Variants in PRTG observed in about 807,000 individuals in gnomAD.
PRTG encodes immunoglobulin superfamily, DCC subclass, member 5.
In PRTG, 67 loss-of-function variants were observed where a neutral mutation model predicts 122.5. The observed-to-expected ratio is 0.55, with a 90% CI of 0.45 to 0.67. The LOEUF (loss-of-function observed/expected upper bound fraction) is 0.67, where lower values mean the gene tolerates loss of function less well. PRTG is among the 30% of genes least tolerant of loss of function. The pLI, the probability that PRTG is intolerant of heterozygous loss-of-function variation, is 0.00. For missense variants in PRTG, 1,435 were observed against 1,415.4 expected, an observed-to-expected ratio of 1.01 and a Z score of -0.22; for synonymous variants, 554 against 501.1, an observed-to-expected ratio of 1.11 and a Z score of -1.41.
intron 14 of PRTG, among the ~76,000 whole-genome samples, chr15:55,637,738 G>A (rs1012193081): frequency 1.4e-4 from 21 of 152,036 alleles, no homozygotes; most frequent in Non-Finnish European, 5.9e-5. Context: ...TAGGAGGCCA[G>A]TGAAGAAAAT....
intron 11 of PRTG, among the ~76,000 whole-genome samples, chr15:55,669,881 T>G (rs1177374363): frequency 2.0e-5 from 3 of 152,222 alleles, no homozygotes; most frequent in Non-Finnish European, 2.9e-5. Flanking sequence ...TGCAGCTATT[T>G]TAATAGACAT....
chr15:55,685,849 T>C (rs1334869252), intron 2 of PRTG, among the ~76,000 whole-genome samples: 1 of 152,196 alleles, frequency 6.6e-6, no homozygotes, highest in East Asian at 1.9e-4. Context: ...TAAAAATCGA[T>C]ATCATGAATC....
At chr15:55,738,588 A>T (rs2031509159) in intron 2 of PRTG, 1 of 693,346 alleles carries the variant, frequency 1.4e-6, no homozygotes, top group Non-Finnish European at 2.6e-6. Context: ...ACTCTATAGA[A>T]CAAGTTTACA....
At chr15:55,740,187 T>C (rs1186775887) in intron 2 of PRTG, among the ~76,000 whole-genome samples, 195 bp downstream of exon 2, 1 of 152,256 alleles carries the variant, frequency 6.6e-6, no homozygotes. Context: ...ATTTGACTTC[T>C]GTTCTCAATT....
intron 2 of PRTG, among the ~76,000 whole-genome samples, chr15:55,731,093 G>A (rs543101192): frequency 6.7e-6 from 1 of 149,310 alleles, no homozygotes; most frequent in East Asian, 2.0e-4. Context: ...AACATTGGGA[G>A]ATCAGTGGAA....
At chr15:55,668,878 A>G (rs967290325) in intron 11 of PRTG, among the ~76,000 whole-genome samples, 3 of 152,222 alleles carry the variant, frequency 2.0e-5, no homozygotes, top group African/African-American at 4.8e-5. Context: ...AATAACTTTC[A>G]TTACTAAGTA....
At chr15:55,634,669 C>A (rs2059246382) in intron 15 of PRTG, among the ~76,000 whole-genome samples, 1 of 151,700 alleles carries the variant, frequency 6.6e-6, no homozygotes, top group African/African-American at 2.4e-5. Context: ...AGTGAAACAC[C>A]CGTCTCTACT....
chr15:55,739,978 C>T (rs1179894443), intron 2 of PRTG, among the ~76,000 whole-genome samples: 1 of 152,232 alleles, frequency 6.6e-6, no homozygotes, highest in Non-Finnish European at 1.5e-5. Flanking sequence ...AGATTTAGCA[C>T]TCAAGAACCA....
intron 2 of PRTG, among the ~76,000 whole-genome samples, chr15:55,699,784 G>A (rs1403320497): frequency 6.6e-6 from 1 of 152,128 alleles, no homozygotes; most frequent in Non-Finnish European, 1.5e-5. Context: ...CTAGAGCAGA[G>A]AACCCTTCAT....
intron 11 of PRTG, among the ~76,000 whole-genome samples, chr15:55,644,756 C>A (rs1352182363): frequency 6.6e-6 from 1 of 151,832 alleles, no homozygotes; most frequent in Non-Finnish European, 1.5e-5. Context: ...CCTTTCTATC[C>A]AAATAGAAAA....
intron 3 of PRTG, 93 bp downstream of exon 3, chr15:55,683,694 A>T: frequency 9.9e-7 from 1 of 1,012,314 alleles, no homozygotes; most frequent in Non-Finnish European, 1.4e-6. Flanking sequence ...CCTAAATAAA[A>T]ATGAGGCCTA....
intron 18 of PRTG, among the ~76,000 whole-genome samples, chr15:55,622,036 T>A (rs1446246161): frequency 2.0e-5 from 3 of 152,094 alleles, no homozygotes; most frequent in African/African-American, 7.2e-5. Flanking sequence ...CCAAGGGAAT[T>A]AAGAGAGATA....
At chr15:55,684,381 T>C (rs2141819532) in intron 2 of PRTG, among the ~76,000 whole-genome samples, 1 of 152,252 alleles carries the variant, frequency 6.6e-6, no homozygotes, top group East Asian at 1.9e-4. Flanking sequence ...GGGGTGGTGG[T>C]GGTGGGAAAG....
chr15:55,738,031 C>T (rs71399484), intron 2 of PRTG, among the ~76,000 whole-genome samples: 2 of 125,798 alleles, frequency 1.6e-5, no homozygotes, highest in Admixed American at 8.5e-5. Flanking sequence ...TATATACACA[C>T]ACACACACAC....
intron 8 of PRTG, 147 bp downstream of exon 8, chr15:55,677,650 C>A (rs938644639): frequency 2.1e-5 from 14 of 666,102 alleles, no homozygotes; most frequent in Non-Finnish European, 3.5e-5. Context: ...ACAATAGATA[C>A]ATAGGTGATA....
In PRTG at chr15:55,645,534, CAT is replaced by C. The variant is rs533941709; in HGVS notation, c.2042-4328_2042-4327del. Among the ~76,000 whole-genome samples, 18 of 143,710 alleles carry C rather than the reference CAT, an allele frequency of 1.3e-4. No individual in the cohort carries two copies. In the East Asian group the frequency reaches 3.9e-3, roughly 31 times the overall value. The allele number at this position is 143,710 out of a possible 152,430, so 94.3% of individuals were successfully genotyped here. The stretch of plus-strand genomic sequence containing the variant: ...AAGAGTGATCAGCTAAAAAAGAAAA[CAT>C]AGAACAGCTACAGAATTAACAGAAC... On this transcript the variant is annotated intron_variant, in intron 11 of 19. Transcript: ENST00000389286.
rs1179209406 is a variant in PRTG, at chr15:55,618,364, A to G, written c.*1648T>C. Reference sequence around the variant, plus strand: ...CCTCCTCTAGGAACAAAGCATTTCAAGTGTAAACCCATTATGATTCCTTTT... The same window carrying G: ...CCTCCTCTAGGAACAAAGCATTTCAGGTGTAAACCCATTATGATTCCTTTT... On this transcript the variant is annotated 3_prime_UTR_variant, in exon 20 of 20. Coordinates refer to ENST00000389286, the MANE Select transcript of PRTG (RefSeq NM_173814.6). 6.6e-6 allele frequency: 1 copy of G among 152,274 alleles called. No homozygotes were observed. The highest frequency in any genetic ancestry group is 2.4e-5 in the African/African-American group (1 of 41,462). 9.4% of individuals were successfully genotyped at this position (152,274 alleles called of 1,614,324 possible). A position where few individuals can be genotyped will look rare whatever the true frequency, so the allele number is the denominator to read the frequency against.
At chr15:55,620,619 T>C in intron 19 of PRTG, 44 bp downstream of exon 19, 2 of 1,552,220 alleles carry the variant, frequency 1.3e-6, no homozygotes, top group Non-Finnish European at 1.7e-6. Context: ...CATCATTTCA[T>C]ATATCACGCA....
intron 2 of PRTG, among the ~76,000 whole-genome samples, chr15:55,701,145 A>G (rs1181557279): frequency 2.0e-5 from 3 of 152,246 alleles, no homozygotes; most frequent in Non-Finnish European, 4.4e-5. Flanking sequence ...GATATGGAGT[A>G]CCTGGAACTC....
Sources: gnomAD v4.1 joint callset for allele counts (sites outside exome capture counted in the v4.1 genomes callset) on GRCh38, gnomAD v4.1.1 for gene constraint, MANE v1.5 for transcripts, NCBI Gene and HGNC (gene_info 2026-07-23, HGNC 2026-07-21) for gene names.